The following SLC12A6 variants were observed in gnomAD, a reference collection of about 807,000 sequenced individuals.
SLC12A6 encodes the protein K-Cl cotransporter 3.
SLC12A6 carries 66 observed loss-of-function variants against 135.3 expected under a neutral mutation model. The ratio of observed to expected loss-of-function variants is 0.49; its 90% CI spans 0.40 to 0.60. SLC12A6 has a LOEUF of 0.60. Among genes scored for constraint, SLC12A6 ranks in the 20% least tolerant of loss-of-function variants. The pLI, the probability that SLC12A6 is intolerant of heterozygous loss-of-function variation, is 0.00. For missense variants in SLC12A6, 1,058 were observed against 1,452.3 expected (o/e 0.73, Z 4.41); for synonymous variants, 513 against 508.8 (o/e 1.01, Z -0.11).
Position 34,297,317 on chromosome 15 carries a change from G to A in SLC12A6, c.272-21928C>T, listed in dbSNP as rs1895939766. Among the ~76,000 whole-genome samples the A allele has an allele frequency of 2.6e-5, 4 of 151,992 alleles. 1 individual carries two copies. The highest frequency in any genetic ancestry group is 1.3e-4 in the Admixed American group (2 of 15,242). ...TCCTTTTTAAAAGGAAACCATAAAA[G>A]CAGTGACTCAATTTAAGAAAAAAAT... On this transcript the variant is annotated intron_variant, in intron 2 of 25. Transcript: ENST00000354181.
At chr15:34,330,207 T>C (rs1889745700) in intron 2 of SLC12A6, among the ~76,000 whole-genome samples, 2 of 152,146 alleles carry the variant, frequency 1.3e-5, no homozygotes, top group Non-Finnish European at 2.9e-5. Context: ...CAGCTTTCCC[T>C]CTCTTCCCAT....
In SLC12A6 at chr15:34,236,836, A is replaced by T. The variant is rs767022502; in HGVS notation, c.2935-21T>A. The T allele has an allele frequency of 3.7e-6, 5 of 1,334,622 alleles. No homozygotes were observed. The East Asian group carries it at 1.1e-4, about 31-fold the overall frequency. The allele number at this position is 1,334,622 out of a possible 1,614,324, so 82.7% of individuals were successfully genotyped here. ...TCATGCTGCCATAGACATCACATAA[A>T]AGGGGCAAAAAGCACAAAGGAGAAA... On this transcript the variant is annotated intron_variant, in intron 22 of 25. Coordinates refer to ENST00000354181, the MANE Select transcript of SLC12A6 (RefSeq NM_001365088.1).
At chr15:34,237,946 T>G (rs188075365) in intron 21 of SLC12A6, among the ~76,000 whole-genome samples, 22 of 152,300 alleles carry the variant, frequency 1.4e-4, no homozygotes, top group African/African-American at 5.3e-4. Context: ...ATACCTTAAG[T>G]TTTCAGTATT....
At chr15:34,299,523 A>C (rs746715922) in intron 2 of SLC12A6, 18 of 152,224 alleles carry the variant, frequency 1.2e-4, no homozygotes, top group Non-Finnish European at 1.6e-4. Context: ...TGACTAAAGT[A>C]CTATATTGGA....
At position 34,319,131 on chromosome 15, in the gene SLC12A6, T is replaced by C. The variant is rs991681845; in HGVS notation, c.271+17279A>G. 3.6e-3 allele frequency among the ~76,000 whole-genome samples: 437 copies of C among 119,832 alleles called. 3 individuals are homozygous for C. The highest frequency in any genetic ancestry group is 0.021 in the African/African-American group (426 of 20,684). The allele number at this position is 119,832 out of a possible 152,430, so 78.6% of individuals were successfully genotyped here. On this transcript the variant is annotated intron_variant, in intron 2 of 25. Coordinates refer to ENST00000354181, the MANE Select transcript of SLC12A6 (RefSeq NM_001365088.1). ...CAAGAAAGATTAGAGAACAGTTAACTTTTTTTTTTTTTTTTTTTGAGACAG... is the reference window on the plus strand; with the variant it reads ...CAAGAAAGATTAGAGAACAGTTAACCTTTTTTTTTTTTTTTTTTGAGACAG...
rs1014050735 is a variant in SLC12A6 at position 34,336,760 on chromosome 15, A to G, written c.-72-8T>C. The G allele has an allele frequency of 5.6e-6, 6 of 1,079,866 alleles. No individual in the cohort carries two copies. In the African/African-American group the frequency reaches 9.3e-5, roughly 17 times the overall value. The allele number at this position is 1,079,866 out of a possible 1,614,324, so 66.9% of individuals were successfully genotyped here. On this transcript the variant is annotated splice_region_variant and splice_polypyrimidine_tract_variant and intron_variant, in intron 1 of 25. Transcript: ENST00000354181. ...TACGCTAGCTACTTTTGACTGCAAT[A>G]CAAAAGATAACTTGAAAAATAACAC...
At chr15:34,286,612 T>C (rs1356997195) in intron 2 of SLC12A6, among the ~76,000 whole-genome samples, 3 of 151,704 alleles carry the variant, frequency 2.0e-5, no homozygotes, top group African/African-American at 7.3e-5. Flanking sequence ...CTGGCCAGCA[T>C]GGTGAAACCC....
At chr15:34,241,506 G>T (rs1891639069) in intron 17 of SLC12A6, among the ~76,000 whole-genome samples, 169 bp from the exon 18 acceptor site, 1 of 152,110 alleles carries the variant, frequency 6.6e-6, no homozygotes, top group Non-Finnish European at 1.5e-5. Context: ...ACCTGATGTA[G>T]GTAGATCAAC....
Position 34,257,785 on chromosome 15 carries a change from G to A in SLC12A6, c.547C>T (p.Pro183Ser). 2 of 1,602,368 alleles carry A rather than the reference G, an allele frequency of 1.2e-6. No homozygotes were observed. The highest frequency in any genetic ancestry group is 1.7e-6 in the Non-Finnish European group (2 of 1,169,736). Residue 183 changes from proline (P) to serine (S), a missense_variant, in exon 6 of 26, where the codon CCC (proline) becomes TCC (serine). Coordinates refer to ENST00000354181, the MANE Select transcript of SLC12A6 (RefSeq NM_001365088.1). ...TEGKKKPTKT[P>S]QMGTFMGVYL... ...ACACCCATGAAGGTACCCATTTGGGGGGTCTAGAAAGAAAGACATTGATAA... is the reference window on the plus strand; with the variant it reads ...ACACCCATGAAGGTACCCATTTGGGAGGTCTAGAAAGAAAGACATTGATAA...
At chr15:34,329,031 T>C (rs1006332349) in intron 2 of SLC12A6, among the ~76,000 whole-genome samples, 6 of 152,274 alleles carry the variant, frequency 3.9e-5, no homozygotes, top group African/African-American at 1.4e-4. Flanking sequence ...AACATTCAAA[T>C]GCTCACATAA....
intron 2 of SLC12A6, among the ~76,000 whole-genome samples, chr15:34,320,516 GA>G (rs897867540): frequency 6.6e-6 from 1 of 151,132 alleles, no homozygotes; most frequent in Non-Finnish European, 1.5e-5. Flanking sequence ...GATTAAAGAG[GA>G]AAAAAAGAAG....
chr15:34,318,044 T>C (rs77495286), intron 2 of SLC12A6, among the ~76,000 whole-genome samples: 5,982 of 152,278 alleles, frequency 0.039, 219 homozygotes, highest in African/African-American at 0.099. Flanking sequence ...AGACCATTCA[T>C]TATTGAATTA....
intron 3 of SLC12A6, 133 bp from the exon 4 acceptor site, chr15:34,261,153 A>G (rs1017882418): frequency 1.5e-6 from 1 of 673,752 alleles, no homozygotes; most frequent in Non-Finnish European, 2.7e-6. Flanking sequence ...TTAGAACTCA[A>G]TCAGCACTGC....
Position 34,232,400 on chromosome 15 carries a change from G to T in SLC12A6, c.*1481C>A, listed in dbSNP as rs546997117. On this transcript the variant is annotated 3_prime_UTR_variant, in exon 26 of 26. Coordinates refer to ENST00000354181, the MANE Select transcript of SLC12A6 (RefSeq NM_001365088.1). ...GCACCACCATGCCCAGCTAATTTTT[G>T]TATTTTTAGTATAGACAGGTTTTCA... 1 of 152,182 alleles carries T rather than the reference G, an allele frequency of 6.6e-6. No individual in the cohort carries two copies. The highest frequency in any genetic ancestry group is 1.9e-4 in the East Asian group (1 of 5,154). The allele number at this position is 152,182 out of a possible 1,614,324, so 9.4% of individuals were successfully genotyped here.
At chr15:34,244,386 T>C (rs1891847850) in intron 15 of SLC12A6, among the ~76,000 whole-genome samples, 1 of 152,252 alleles carries the variant, frequency 6.6e-6, no homozygotes. Context: ...TTCTCTTCCT[T>C]TTCATCTCTA....
At chr15:34,332,138 A>G (rs140828497) in intron 2 of SLC12A6, among the ~76,000 whole-genome samples, 11 of 152,300 alleles carry the variant, frequency 7.2e-5, no homozygotes, top group African/African-American at 2.6e-4. Context: ...GTATTTTTGC[A>G]TATTTCTATT....
intron 6 of SLC12A6, among the ~76,000 whole-genome samples, chr15:34,256,536 C>T (rs1892763434): frequency 6.6e-6 from 1 of 152,188 alleles, no homozygotes; most frequent in South Asian, 2.1e-4. Flanking sequence ...CTGCTAATCT[C>T]ACTCTGGATT....
At chr15:34,259,392 G>A (rs547029222) in intron 4 of SLC12A6, among the ~76,000 whole-genome samples, 1 of 151,652 alleles carries the variant, frequency 6.6e-6, no homozygotes, top group Admixed American at 6.6e-5. Flanking sequence ...GCTCACACCT[G>A]CTAACCCAAT....
At chr15:34,310,254 G>A in intron 2 of SLC12A6, among the ~76,000 whole-genome samples, 2 of 145,652 alleles carry the variant, frequency 1.4e-5, no homozygotes, top group African/African-American at 2.7e-5. Context: ...AAGTGTGTGT[G>A]TGTGTGTGTC....
Sources: gnomAD v4.1 joint callset for allele counts (sites outside exome capture counted in the v4.1 genomes callset) on GRCh38, gnomAD v4.1.1 for gene constraint, MANE v1.5 for transcripts, NCBI Gene and HGNC (gene_info 2026-07-23, HGNC 2026-07-21) for gene names.